The following NREP variants were observed in gnomAD, a reference collection of about 807,000 sequenced individuals.
The protein encoded by NREP is neuronal regeneration related protein.
A neutral mutation model predicts 8.6 loss-of-function variants in NREP; 5 were observed. The ratio of observed to expected loss-of-function variants is 0.58; its 90% CI spans 0.30 to 1.22. The LOEUF is 1.22. Ranked by LOEUF, NREP falls within the 50% of genes most tolerant of loss-of-function variation. The pLI, the probability that NREP is intolerant of heterozygous loss-of-function variation, is 0.07. For synonymous variants in NREP, 27 were observed against 28.0 expected (o/e 0.96, Z 0.11); for missense variants, 86 against 82.5 (o/e 1.04, Z -0.17).
At chr5:111,954,999 A>T (rs1050685492) in intron 2 of NREP, among the ~76,000 whole-genome samples, 5 of 152,188 alleles carry the variant, frequency 3.3e-5, no homozygotes, top group Non-Finnish European at 7.4e-5. Flanking sequence ...CTAATTTTCC[A>T]ATGAAGATGC....
At chr5:111,815,363 C>T (rs1424134937) in intron 2 of NREP, among the ~76,000 whole-genome samples, 1 of 152,170 alleles carries the variant, frequency 6.6e-6, no homozygotes, top group African/African-American at 2.4e-5. Flanking sequence ...ACTCTAATTT[C>T]TCTCTAGAAG....
intron 2 of NREP, among the ~76,000 whole-genome samples, chr5:111,953,132 T>C (rs1372373909): frequency 6.6e-6 from 1 of 152,126 alleles, no homozygotes; most frequent in African/African-American, 2.4e-5. Context: ...CATGTTGTTA[T>C]TGTCTTCCTT....
intron 3 of NREP, among the ~76,000 whole-genome samples, chr5:111,731,388 G>A (rs1393618454): frequency 6.7e-6 from 1 of 150,110 alleles, no homozygotes; most frequent in Admixed American, 6.6e-5. Flanking sequence ...ACCTTAGACT[G>A]GGTGATTGAT....
intron 2 of NREP, among the ~76,000 whole-genome samples, chr5:111,866,357 A>G (rs1227021932): frequency 6.6e-6 from 1 of 152,244 alleles, no homozygotes; most frequent in East Asian, 1.9e-4. Context: ...GACACTTCTC[A>G]AAAGAAGACA....
At chr5:111,901,571 T>C (rs1425094055) in intron 2 of NREP, among the ~76,000 whole-genome samples, 1 of 151,992 alleles carries the variant, frequency 6.6e-6, no homozygotes, top group Non-Finnish European at 1.5e-5. Context: ...AACCTGAAGA[T>C]TCGACCCCAA....
intron 2 of NREP, among the ~76,000 whole-genome samples, chr5:111,906,626 C>T (rs1581207519): frequency 3.3e-5 from 5 of 152,170 alleles, no homozygotes; most frequent in African/African-American, 9.6e-5. Context: ...GTTAACTGCT[C>T]ACTCTACGGG....
At chr5:111,919,634 A>G (rs564637644) in intron 2 of NREP, among the ~76,000 whole-genome samples, 127 of 152,230 alleles carry the variant, frequency 8.3e-4, no homozygotes, top group African/African-American at 2.9e-3. Flanking sequence ...AGAAAACCAA[A>G]CACCACATGT....
At chr5:111,792,011 C>G (rs1581121019) in intron 2 of NREP, among the ~76,000 whole-genome samples, 1 of 152,138 alleles carries the variant, frequency 6.6e-6, no homozygotes, top group Non-Finnish European at 1.5e-5. Flanking sequence ...ACAAAGGAAA[C>G]ACTATATAGT....
intron 2 of NREP, among the ~76,000 whole-genome samples, chr5:111,832,679 C>T (rs531383942): frequency 6.6e-6 from 1 of 152,318 alleles, no homozygotes; most frequent in East Asian, 1.9e-4. Flanking sequence ...AATACAGTTA[C>T]TATTTCCCTT....
intron 2 of NREP, among the ~76,000 whole-genome samples, chr5:111,814,840 GA>G (rs1752348631): frequency 6.6e-6 from 1 of 151,896 alleles, no homozygotes; most frequent in South Asian, 2.1e-4. Context: ...GAATGCTATT[GA>G]ATAGTTAGTA....
intron 2 of NREP, among the ~76,000 whole-genome samples, chr5:111,797,364 A>G (rs191582416): frequency 7.2e-5 from 11 of 152,286 alleles, no homozygotes; most frequent in South Asian, 2.1e-4. Context: ...TACTAGTCCA[A>G]TTGTTATCCT....
chr5:111,856,495 G>A (rs996868542), intron 2 of NREP, among the ~76,000 whole-genome samples: 1 of 152,134 alleles, frequency 6.6e-6, no homozygotes, highest in Non-Finnish European at 1.5e-5. Context: ...ATAAAGTACT[G>A]TGTTCGAAGC....
intron 2 of NREP, 50 bp downstream of exon 2, chr5:111,755,720 A>T (rs1489735675): frequency 6.3e-7 from 1 of 1,599,054 alleles, no homozygotes; most frequent in South Asian, 1.1e-5. Flanking sequence ...ATTTATATGT[A>T]ACAGACTGGT....
chr5:111,753,331 TA>T (rs1277885699), intron 2 of NREP, among the ~76,000 whole-genome samples: 9 of 3,102 alleles, frequency 2.9e-3, no homozygotes, highest in East Asian at 0.1. Flanking sequence ...AAGTTGATTT[TA>T]TATATATATA....
intron 1 of NREP, among the ~76,000 whole-genome samples, chr5:111,756,718 T>C (rs1486111289): frequency 6.6e-6 from 1 of 151,858 alleles, no homozygotes. Flanking sequence ...ATTGAAAGAG[T>C]AATCAAGTGT....
chr5:111,928,203 A>G (rs994259741), intron 2 of NREP, among the ~76,000 whole-genome samples: 1 of 152,144 alleles, frequency 6.6e-6, no homozygotes, highest in Non-Finnish European at 1.5e-5. Context: ...AACTATTTAC[A>G]TCGCATAGAC....
intron 2 of NREP, among the ~76,000 whole-genome samples, chr5:111,973,273 A>C (rs964970884): frequency 1.3e-4 from 20 of 152,314 alleles, no homozygotes; most frequent in Non-Finnish European, 1.0e-4. Context: ...TTTAAAAAAA[A>C]AATGGTTGTA....
At chr5:111,915,282 T>C (rs1050786198) in intron 2 of NREP, among the ~76,000 whole-genome samples, 6 of 152,108 alleles carry the variant, frequency 3.9e-5, no homozygotes, top group African/African-American at 1.4e-4. Flanking sequence ...GTTGAAGAAA[T>C]TGTCCAGGGA....
chr5:111,930,560 A>G (rs920369364), intron 2 of NREP, among the ~76,000 whole-genome samples: 1 of 152,088 alleles, frequency 6.6e-6, no homozygotes, highest in African/African-American at 2.4e-5. Context: ...AAGCTTTTAT[A>G]CTCTACAAAG....
Sources: gnomAD v4.1 joint callset for allele counts (sites outside exome capture counted in the v4.1 genomes callset) on GRCh38, gnomAD v4.1.1 for gene constraint, MANE v1.5 for transcripts, NCBI Gene and HGNC (gene_info 2026-07-23, HGNC 2026-07-21) for gene names.